Variants in ERBB4 observed in about 807,000 individuals in gnomAD.
ERBB4 encodes erb-b2 receptor tyrosine kinase 4.
A neutral mutation model predicts 158.0 loss-of-function variants in ERBB4; 42 were observed. That is an observed-to-expected ratio of 0.27 (90% CI 0.21 to 0.34). ERBB4 has a LOEUF of 0.34. Among genes scored for constraint, ERBB4 ranks in the 10% least tolerant of loss-of-function variants. The pLI, the probability that ERBB4 is intolerant of heterozygous loss-of-function variation, is 1.00. For missense variants in ERBB4, 1,333 were observed against 1,624.1 expected, an observed-to-expected ratio of 0.82 and a Z score of 3.08; for synonymous variants, 583 against 558.7, an observed-to-expected ratio of 1.04 and a Z score of -0.61.
At chr2:212,352,831 G>A (rs954116939) in intron 1 of ERBB4, among the ~76,000 whole-genome samples, 1 of 152,018 alleles carries the variant, frequency 6.6e-6, no homozygotes, top group Non-Finnish European at 1.5e-5. Context: ...TCATGGCACT[G>A]CACTCCAGCC....
Position 212,078,614 on chromosome 2 carries a change from T to C in ERBB4, c.234+46138A>G, listed in dbSNP as rs117979247. Among the ~76,000 whole-genome samples, 4 of 152,056 alleles carry C rather than the reference T, an allele frequency of 2.6e-5. No homozygotes were observed. The East Asian group carries it at 5.8e-4, about 22-fold the overall frequency. ...ATTTTGTGGTGTTGTATTTTTCTAA[T>C]ATTTAAATGGTACTATGGGCTCATT... On this transcript the variant is annotated intron_variant, in intron 2 of 27. Transcript: ENST00000342788.
chr2:211,767,153 CT>C (rs1276704047), intron 4 of ERBB4, among the ~76,000 whole-genome samples: 2 of 151,910 alleles, frequency 1.3e-5, no homozygotes, highest in Non-Finnish European at 2.9e-5. Context: ...TAAATCTGTG[CT>C]TTTATTTTAT....
chr2:211,542,993 A>G lies in ERBB4; in HGVS notation c.2487+18910T>C, dbSNP rs183097840. On this transcript the variant is annotated intron_variant, in intron 20 of 27. Transcript: ENST00000342788. ...AGTGGTGAATTAGTAAGTTGGCAGAATAAGGCGATCCATATTTTTCCTGCC... is the reference window on the plus strand; with the variant it reads ...AGTGGTGAATTAGTAAGTTGGCAGAGTAAGGCGATCCATATTTTTCCTGCC... Among the ~76,000 whole-genome samples, 298 of 152,114 alleles carry G rather than the reference A, an allele frequency of 2.0e-3. 6 individuals carry two copies. In the South Asian group the frequency reaches 0.033, roughly 17 times the overall value.
chr2:211,911,808 G>A (rs937577383), intron 3 of ERBB4, among the ~76,000 whole-genome samples: 1 of 148,070 alleles, frequency 6.8e-6, no homozygotes, highest in Non-Finnish European at 1.5e-5. Context: ...GACAGGAGAG[G>A]TTTTATTCTT....
At position 212,342,128 on chromosome 2, in the gene ERBB4, T is replaced by C. The variant is rs550705751; in HGVS notation, c.82+196321A>G. On this transcript the variant is annotated intron_variant, in intron 1 of 27. Coordinates refer to ENST00000342788, the MANE Select transcript of ERBB4 (RefSeq NM_005235.3). ...AAAAACAACAAAACATCCAGGCATG[T>C]TGACATGCATTTGTGGTCCCAGCTA... 1.2e-3 allele frequency among the ~76,000 whole-genome samples: 181 copies of C among 152,238 alleles called. 3 individuals carry two copies. Among genetic ancestry groups the C allele is most frequent in the Middle Eastern group, 0.01 (3 of 294 alleles).
intron 17 of ERBB4, among the ~76,000 whole-genome samples, chr2:211,625,048 C>T (rs527731348): frequency 3.3e-5 from 5 of 151,128 alleles, no homozygotes; most frequent in African/African-American, 7.3e-5. Context: ...TATGTGCATG[C>T]GTGCCAATCA....
At chr2:211,425,930 C>T (rs2063617151) in intron 22 of ERBB4, among the ~76,000 whole-genome samples, 1 of 152,024 alleles carries the variant, frequency 6.6e-6, no homozygotes, top group Non-Finnish European at 1.5e-5. Context: ...GCCATCTGCC[C>T]ACATCGGCCT....
chr2:212,235,895 A>G (rs2083851997), intron 1 of ERBB4, among the ~76,000 whole-genome samples: 2 of 152,222 alleles, frequency 1.3e-5, no homozygotes. Context: ...TTCTAAATAT[A>G]CAATCATGTA....
chr2:211,687,427 T>C (rs374817586), intron 12 of ERBB4, among the ~76,000 whole-genome samples: 13 of 152,024 alleles, frequency 8.6e-5, no homozygotes, highest in African/African-American at 2.9e-4. Context: ...TGACATCACA[T>C]GGAAGGGAGA....
chr2:211,456,545 A>G (rs2125491626), intron 20 of ERBB4, among the ~76,000 whole-genome samples: 1 of 152,296 alleles, frequency 6.6e-6, no homozygotes, highest in African/African-American at 2.4e-5. Context: ...ATTCTAGCAG[A>G]TGAGGTGGAT....
chr2:212,083,382 G>A (rs1337148652), intron 2 of ERBB4, among the ~76,000 whole-genome samples: 1 of 151,918 alleles, frequency 6.6e-6, no homozygotes, highest in Non-Finnish European at 1.5e-5. Context: ...GATAGAATTG[G>A]GGGGAGGAAT....
At chr2:211,594,779 T>C (rs2068582077) in intron 19 of ERBB4, among the ~76,000 whole-genome samples, 1 of 152,112 alleles carries the variant, frequency 6.6e-6, no homozygotes, top group Non-Finnish European at 1.5e-5. Flanking sequence ...ACAATTTAGG[T>C]AAAGGGTCTT....
chr2:211,875,760 G>T (rs1452426935), intron 3 of ERBB4, among the ~76,000 whole-genome samples: 2 of 152,102 alleles, frequency 1.3e-5, no homozygotes, highest in African/African-American at 4.8e-5. Context: ...CTCCATTCAT[G>T]GAAGGTGTCC....
intron 3 of ERBB4, among the ~76,000 whole-genome samples, chr2:211,877,738 A>T (rs1388362945): frequency 6.6e-6 from 1 of 152,224 alleles, no homozygotes; most frequent in African/African-American, 2.4e-5. Flanking sequence ...ACTACTTATT[A>T]TTTTGGGTTT....
intron 16 of ERBB4, among the ~76,000 whole-genome samples, chr2:211,644,935 T>C (rs913105756): frequency 6.6e-6 from 1 of 151,966 alleles, no homozygotes; most frequent in African/African-American, 2.4e-5. Flanking sequence ...CTTACAATCA[T>C]GCCAATTGAG....
At position 212,500,687 on chromosome 2, in the gene ERBB4, T is replaced by C. The variant is rs559560814; in HGVS notation, c.82+37762A>G. On this transcript the variant is annotated intron_variant, in intron 1 of 27. Transcript: ENST00000342788. ...AGTATTTGCTCTTTAGTGAATAACA[T>C]GAACATTGAACCAAGAAGATAGAAC... is the stretch of plus-strand genomic sequence containing the variant. Among the ~76,000 whole-genome samples, 171 of 152,202 alleles carry C rather than the reference T, an allele frequency of 1.1e-3. 1 individual carries two copies. The highest frequency in any genetic ancestry group is 2.0e-3 in the Non-Finnish European group (137 of 67,976).
chr2:211,753,496 A>C (rs1031528125), intron 4 of ERBB4, among the ~76,000 whole-genome samples: 1 of 151,976 alleles, frequency 6.6e-6, no homozygotes. Context: ...GCTAATGTTC[A>C]CCCTCTATGA....
At chr2:211,869,663 A>C (rs1261573649) in intron 3 of ERBB4, among the ~76,000 whole-genome samples, 8 of 152,176 alleles carry the variant, frequency 5.3e-5, no homozygotes, top group Admixed American at 5.2e-4. Flanking sequence ...GCAAAAATTA[A>C]ATTACATTGC....
chr2:211,554,040 T>C (rs2067172738), intron 20 of ERBB4, among the ~76,000 whole-genome samples: 1 of 152,230 alleles, frequency 6.6e-6, no homozygotes, highest in South Asian at 2.1e-4. Flanking sequence ...ACAGTTTTTC[T>C]CTTATGGAAT....
Sources: gnomAD v4.1 joint callset for allele counts (sites outside exome capture counted in the v4.1 genomes callset) on GRCh38, gnomAD v4.1.1 for gene constraint, MANE v1.5 for transcripts, NCBI Gene and HGNC (gene_info 2026-07-23, HGNC 2026-07-21) for gene names.